FAM174B: variants seen among roughly 807,000 people sequenced by gnomAD.
FAM174B encodes family with sequence similarity 174 member B.
FAM174B carries 12 observed loss-of-function variants against 10.9 expected under a neutral mutation model. The ratio of observed to expected loss-of-function variants is 1.10; its 90% CI spans 0.71 to 1.79. FAM174B has a LOEUF of 1.79. FAM174B is among the 40% of genes most tolerant of loss of function. FAM174B has a pLI of 0.00. For missense variants in FAM174B, 266 were observed against 233.3 expected, an observed-to-expected ratio of 1.14 and a Z score of -0.91; for synonymous variants, 132 against 115.8, an observed-to-expected ratio of 1.14 and a Z score of -0.90.
At chr15:92,619,957 A>G (rs888764757) in intron 2 of FAM174B, 2 of 160,992 alleles carry the variant, frequency 1.2e-5, no homozygotes, top group African/African-American at 4.8e-5. Flanking sequence ...TTACTTTCTC[A>G]TGTCATAAAA....
At chr15:92,654,962 GT>G in intron 1 of FAM174B, among the ~76,000 whole-genome samples, 1 of 152,206 alleles carries the variant, frequency 6.6e-6, no homozygotes, top group African/African-American at 2.4e-5. Flanking sequence ...CTCTGAAAAT[GT>G]TTTCCTCATC....
intron 1 of FAM174B, among the ~76,000 whole-genome samples, chr15:92,647,842 TA>T (rs2050938799): frequency 6.6e-6 from 1 of 152,178 alleles, no homozygotes; most frequent in Non-Finnish European, 1.5e-5. Flanking sequence ...TAGGAGAGAT[TA>T]ACTAAAAGTC....
At chr15:92,643,223 C>A (rs1013223922) in intron 1 of FAM174B, among the ~76,000 whole-genome samples, 1 of 151,882 alleles carries the variant, frequency 6.6e-6, no homozygotes, top group African/African-American at 2.4e-5. Flanking sequence ...CCATCTTGGC[C>A]CCCAAAGTGC....
intron 1 of FAM174B, among the ~76,000 whole-genome samples, chr15:92,647,586 C>A (rs62022580): frequency 0.13 from 19,710 of 152,080 alleles, 1,400 homozygotes; most frequent in East Asian, 0.24. Flanking sequence ...CACAAATGAC[C>A]AGCATTAATA....
Position 92,630,467 on chromosome 15 carries a change from G to T in FAM174B, c.345-122C>A, listed in dbSNP as rs998440133. The T allele has an allele frequency of 1.2e-5, 11 of 907,576 alleles. No individual in the cohort carries two copies. In the African/African-American group the frequency reaches 1.7e-4, roughly 14 times the overall value. 56.2% of individuals were successfully genotyped at this position (907,576 alleles called of 1,614,324 possible). ...GTGTTTAGTCAGGTTTCCTTCCTCTGTCTGAGAGTGTGAGGATCTGATGGA... is the reference window on the plus strand; with the variant it reads ...GTGTTTAGTCAGGTTTCCTTCCTCTTTCTGAGAGTGTGAGGATCTGATGGA... On this transcript the variant is annotated intron_variant, in intron 1 of 2. Transcript: ENST00000327355.
At position 92,643,652 on chromosome 15, in the gene FAM174B, C is replaced by T. The variant is rs564351057; in HGVS notation, c.344+11664G>A. 4.5e-4 allele frequency among the ~76,000 whole-genome samples: 69 copies of T among 152,092 alleles called. 1 individual carries two copies. The South Asian group carries it at 0.012, about 27-fold the overall frequency. On this transcript the variant is annotated intron_variant, in intron 1 of 2. Transcript: ENST00000327355. Reference sequence around the variant, plus strand: ...TCAGGCTGCCCCTCTGGCAGGAGACCCTTCTCCCAGGGCCCACCCATGGCT... The same window carrying T: ...TCAGGCTGCCCCTCTGGCAGGAGACTCTTCTCCCAGGGCCCACCCATGGCT...
In FAM174B at chr15:92,618,868, A is replaced by T; in HGVS notation, c.*588T>A. The stretch of plus-strand genomic sequence containing the variant: ...AAAAAAAAAAAAAGGAAGAAAGAAA[A>T]GGAGCCACAGACGTGTCCAGGTCTG... On this transcript the variant is annotated 3_prime_UTR_variant, in exon 3 of 3. Transcript: ENST00000327355. 3 of 229,680 alleles carry T rather than the reference A, an allele frequency of 1.3e-5. No individual in the cohort carries two copies. Among genetic ancestry groups the T allele is most frequent in the African/African-American group, 2.3e-5 (1 of 44,142 alleles). The allele number at this position is 229,680 out of a possible 1,614,324, so 14.2% of individuals were successfully genotyped here.
intron 2 of FAM174B, among the ~76,000 whole-genome samples, chr15:92,628,361 G>A (rs1338690589): frequency 3.2e-5 from 1 of 31,348 alleles, no homozygotes; most frequent in Non-Finnish European, 6.6e-5. Context: ...TTTTTTTTTT[G>A]TAGAAGTGGG....
intron 1 of FAM174B, among the ~76,000 whole-genome samples, chr15:92,630,804 TA>T (rs2050789887): frequency 2.5e-5 from 1 of 39,908 alleles, no homozygotes; most frequent in Non-Finnish European, 7.7e-5. Flanking sequence ...TTACATATTA[TA>T]TATATTTTAT....
intron 2 of FAM174B, among the ~76,000 whole-genome samples, chr15:92,622,279 C>T (rs962411370): frequency 6.6e-6 from 1 of 152,270 alleles, no homozygotes; most frequent in African/African-American, 2.4e-5. Context: ...GGGAGCCACA[C>T]TGCTCATCGC....
At chr15:92,641,496 T>C in intron 1 of FAM174B, among the ~76,000 whole-genome samples, 1 of 152,194 alleles carries the variant, frequency 6.6e-6, no homozygotes, top group East Asian at 1.9e-4. Context: ...ATGAAGAGCT[T>C]TTTAGGAATA....
chr15:92,625,806 C>T (rs1300998571), intron 2 of FAM174B, among the ~76,000 whole-genome samples: 1 of 152,192 alleles, frequency 6.6e-6, no homozygotes, highest in Non-Finnish European at 1.5e-5. Flanking sequence ...ATAAGAAAAG[C>T]CAGCACTACT....
chr15:92,629,156 C>T (rs565833358), intron 2 of FAM174B, among the ~76,000 whole-genome samples: 15 of 152,200 alleles, frequency 9.9e-5, no homozygotes, highest in South Asian at 2.1e-4. Context: ...CCATGGGATC[C>T]GGGGAGCCAA....
chr15:92,637,497 G>A (rs2050863542), intron 1 of FAM174B, among the ~76,000 whole-genome samples: 1 of 152,174 alleles, frequency 6.6e-6, no homozygotes, highest in Non-Finnish European at 1.5e-5. Context: ...CTCAGGGAAG[G>A]CACTGCACGA....
chr15:92,619,448 A>C lies in FAM174B; in HGVS notation c.*8T>G. ...TCCACAGGATGCCACCAGGCTGGGA[A>C]ACAGGTTTTACCTAAAAGAAAGGGA... On this transcript the variant is annotated 3_prime_UTR_variant, in exon 3 of 3. Transcript: ENST00000327355. 6.2e-7 allele frequency: 1 copy of C among 1,613,938 alleles called. No homozygotes were observed. The highest frequency in any genetic ancestry group is 8.5e-7 in the Non-Finnish European group (1 of 1,179,854).
At chr15:92,650,483 C>T (rs1165063863) in intron 1 of FAM174B, among the ~76,000 whole-genome samples, 2 of 152,144 alleles carry the variant, frequency 1.3e-5, no homozygotes, top group Non-Finnish European at 2.9e-5. Context: ...AGAACTGGAG[C>T]CTGCACCGTG....
chr15:92,625,044 C>T (rs1261095834), intron 2 of FAM174B, among the ~76,000 whole-genome samples: 1 of 152,208 alleles, frequency 6.6e-6, no homozygotes, highest in African/African-American at 2.4e-5. Context: ...CTTGAAAGAA[C>T]CATTTCAAAA....
intron 1 of FAM174B, among the ~76,000 whole-genome samples, chr15:92,643,343 A>AGTGTGT (rs1309760071): frequency 0.014 from 251 of 17,898 alleles, no homozygotes; most frequent in Admixed American, 0.069. Context: ...ATAGGGAAGG[A>AGTGTGT]ATGTGTGTGT....
In FAM174B at chr15:92,617,596, G is replaced by C; in HGVS notation, c.*1860C>G. The stretch of plus-strand genomic sequence containing the variant: ...CCCGGGTGTTTCTGCGTAAGGCAGA[G>C]GAATCCAGCTTTTCCATGAGATTCA... On this transcript the variant is annotated 3_prime_UTR_variant, in exon 3 of 3. Transcript: ENST00000327355. 3.1e-6 allele frequency: 2 copies of C among 637,958 alleles called. No individual in the cohort carries two copies. The highest frequency in any genetic ancestry group is 5.6e-6 in the Non-Finnish European group (2 of 359,530). 39.5% of individuals were successfully genotyped at this position (637,958 alleles called of 1,614,324 possible).
Sources: gnomAD v4.1 joint callset for allele counts (sites outside exome capture counted in the v4.1 genomes callset) on GRCh38, gnomAD v4.1.1 for gene constraint, MANE v1.5 for transcripts, NCBI Gene and HGNC (gene_info 2026-07-23, HGNC 2026-07-21) for gene names.